PPP2R2B: variants seen among roughly 807,000 people sequenced by gnomAD.
PPP2R2B encodes serine/threonine-protein phosphatase 2A 55 kDa regulatory subunit B beta isoform.
In PPP2R2B, 5 loss-of-function variants were observed where a neutral mutation model predicts 46.0. The ratio of observed to expected loss-of-function variants is 0.11; its 90% CI spans 0.06 to 0.23. The LOEUF is 0.23. PPP2R2B is among the 10% of genes least tolerant of loss of function. PPP2R2B has a pLI of 1.00. For missense variants in PPP2R2B, 367 were observed against 575.0 expected (o/e 0.64, Z 3.70); for synonymous variants, 215 against 206.7 (o/e 1.04, Z -0.34).
upstream of PPP2R2B, among the ~76,000 whole-genome samples, chr5:147,059,809 T>C (rs1757204885): frequency 6.6e-6 from 1 of 152,142 alleles, no homozygotes; most frequent in African/African-American, 2.4e-5. Flanking sequence ...AAGCAACCAT[T>C]TCTGCCCTGC....
chr5:146,867,840 C>A (rs1761396867), intron 2 of PPP2R2B, among the ~76,000 whole-genome samples: 1 of 152,188 alleles, frequency 6.6e-6, no homozygotes, highest in Non-Finnish European at 1.5e-5. Context: ...TCCTACATAG[C>A]ACTTGGCAAT....
intron 5 of PPP2R2B, among the ~76,000 whole-genome samples, chr5:146,658,456 G>C (rs1188986358): frequency 6.6e-6 from 1 of 152,158 alleles, no homozygotes; most frequent in African/African-American, 2.4e-5. Context: ...ATAAAAATGG[G>C]AGAGCATTGG....
chr5:146,746,915 A>G (rs1411356034), intron 2 of PPP2R2B, among the ~76,000 whole-genome samples: 1 of 152,192 alleles, frequency 6.6e-6, no homozygotes, highest in African/African-American at 2.4e-5. Flanking sequence ...TAACAAGTTC[A>G]TATGGCGAGT....
intron 1 of PPP2R2B, among the ~76,000 whole-genome samples, chr5:146,928,890 A>G: frequency 6.6e-6 from 1 of 152,086 alleles, no homozygotes; most frequent in Non-Finnish European, 1.5e-5. Flanking sequence ...CTCATCTTTC[A>G]CTACACTGCC....
intron 1 of PPP2R2B, among the ~76,000 whole-genome samples, chr5:146,934,089 C>T (rs565025735): frequency 6.6e-6 from 1 of 152,044 alleles, no homozygotes; most frequent in Admixed American, 6.6e-5. Flanking sequence ...CATTCTTGGA[C>T]ATTTGGGTTG....
intron 1 of PPP2R2B, among the ~76,000 whole-genome samples, chr5:146,885,423 C>G (rs1213111081): frequency 6.6e-6 from 1 of 152,198 alleles, no homozygotes; most frequent in African/African-American, 2.4e-5. Context: ...TAGATTCTTA[C>G]TTGTCTCTCT....
chr5:147,042,224 C>A (rs190275113), intron 1 of PPP2R2B, among the ~76,000 whole-genome samples: 2 of 151,710 alleles, frequency 1.3e-5, no homozygotes, highest in East Asian at 3.9e-4. Context: ...TTAACTAGAC[C>A]CCCCCCTCCC....
At chr5:147,038,573 C>A (rs1322487651) in intron 1 of PPP2R2B, among the ~76,000 whole-genome samples, 1 of 152,062 alleles carries the variant, frequency 6.6e-6, no homozygotes, top group African/African-American at 2.4e-5. Context: ...AAAAGGATGG[C>A]AACAATGATC....
At chr5:147,044,590 T>A (rs1756468859) in intron 1 of PPP2R2B, among the ~76,000 whole-genome samples, 1 of 152,184 alleles carries the variant, frequency 6.6e-6, no homozygotes, top group South Asian at 2.1e-4. Context: ...ATGCTTTTTT[T>A]ATTTTTTAAG....
intron 1 of PPP2R2B, among the ~76,000 whole-genome samples, chr5:146,994,280 T>A (rs1291174571): frequency 6.6e-6 from 1 of 152,110 alleles, no homozygotes; most frequent in Non-Finnish European, 1.5e-5. Flanking sequence ...AGAGAGGTAA[T>A]AACTTGCGTA....
intron 1 of PPP2R2B, among the ~76,000 whole-genome samples, chr5:147,007,671 A>G (rs1561572491): frequency 6.6e-6 from 1 of 152,198 alleles, no homozygotes; most frequent in Non-Finnish European, 1.5e-5. Flanking sequence ...ACTCACTGCG[A>G]AGGTCTGTGG....
chr5:146,741,938 T>A (rs1752899492), intron 2 of PPP2R2B, among the ~76,000 whole-genome samples: 1 of 152,134 alleles, frequency 6.6e-6, no homozygotes, highest in African/African-American at 2.4e-5. Context: ...AGGTAAGAAA[T>A]TATATTTGTG....
chr5:146,652,958 C>T (rs933540573), intron 5 of PPP2R2B, among the ~76,000 whole-genome samples: 3 of 152,118 alleles, frequency 2.0e-5, no homozygotes, highest in Admixed American at 2.0e-4. Context: ...TAAGGGCATG[C>T]CTGAGTTAAG....
At chr5:146,623,367 G>T (rs1248477844) in intron 7 of PPP2R2B, among the ~76,000 whole-genome samples, 1 of 152,174 alleles carries the variant, frequency 6.6e-6, no homozygotes, top group African/African-American at 2.4e-5. Flanking sequence ...AATTGAAAAT[G>T]AACTTTATAT....
chr5:146,880,255 G>T (rs1240260289), upstream of PPP2R2B, among the ~76,000 whole-genome samples: 1 of 149,122 alleles, frequency 6.7e-6, no homozygotes, highest in African/African-American at 2.5e-5. Flanking sequence ...ACTTTCAATA[G>T]ATTCTATTTT....
rs1227297322 is a variant in PPP2R2B, at chr5:146,586,848, T to C, written c.*3099A>G. The C allele has an allele frequency of 6.6e-6, 1 of 152,144 alleles. No homozygotes were observed. Among genetic ancestry groups the C allele is most frequent in the Non-Finnish European group, 1.5e-5 (1 of 68,038 alleles). The allele number at this position is 152,144 out of a possible 1,614,324, so 9.4% of individuals were successfully genotyped here. Reference sequence around the variant, plus strand: ...TGCTGGCTAGTATCTTCCTTTTTTGTTTTTTCTAACTAATCTTCCTCCTCC... The same window carrying C: ...TGCTGGCTAGTATCTTCCTTTTTTGCTTTTTCTAACTAATCTTCCTCCTCC... On this transcript the variant is annotated 3_prime_UTR_variant, in exon 10 of 10. Coordinates refer to ENST00000394411, the MANE Select transcript of PPP2R2B (RefSeq NM_181675.4).
At chr5:146,890,552 G>A (rs1347314321) in intron 1 of PPP2R2B, among the ~76,000 whole-genome samples, 2 of 152,190 alleles carry the variant, frequency 1.3e-5, no homozygotes, top group African/African-American at 4.8e-5. Context: ...TGTCAATCTG[G>A]CCATTACTGT....
At chr5:147,021,054 CTT>C (rs1012005417) in intron 1 of PPP2R2B, among the ~76,000 whole-genome samples, 26 of 152,122 alleles carry the variant, frequency 1.7e-4, no homozygotes, top group African/African-American at 5.3e-4. Context: ...ACTTTTTTGA[CTT>C]TTGTTTCTGA....
Position 147,068,720 on chromosome 5 carries a change from T to C in PPP2R2B, c.50+12339A>G, listed in dbSNP as rs138966454. 7.9e-3 allele frequency among the ~76,000 whole-genome samples: 1,202 copies of C among 152,318 alleles called. 17 individuals carry two copies. Among genetic ancestry groups the C allele is most frequent in the African/African-American group, 0.026 (1,099 of 41,582 alleles). ...GAAAAGGAATATACATTCTGAACCA[T>C]GTGTGAATAATAAGCTGTAAAAAAT... On this transcript the variant is annotated intron_variant, in intron 2 of 10. Coordinates refer to the PPP2R2B transcript ENST00000394413.
Sources: allele counts gnomAD v4.1 joint callset (sites outside exome capture counted in the v4.1 genomes callset), GRCh38; gene constraint gnomAD v4.1.1; transcripts MANE v1.5; gene names NCBI Gene and HGNC (gene_info 2026-07-23, HGNC 2026-07-21).